The following HEPHL1 variants were observed in gnomAD, a reference collection of about 807,000 sequenced individuals.
The protein encoded by HEPHL1 is hephaestin like 1, also known as ferroxidase HEPHL1.
In HEPHL1, 123 loss-of-function variants were observed where a neutral mutation model predicts 122.0. That is an observed-to-expected ratio of 1.01 (90% CI 0.87 to 1.17). The LOEUF (loss-of-function observed/expected upper bound fraction) is 1.17. HEPHL1 is among the 50% of genes most tolerant of loss of function. The pLI, the probability that HEPHL1 is intolerant of heterozygous loss-of-function variation, is 0.00. For missense variants in HEPHL1, 1,452 were observed against 1,430.5 expected (o/e 1.01, Z -0.24); for synonymous variants, 527 against 508.9 (o/e 1.04, Z -0.48).
intron 3 of HEPHL1, 123 bp from the exon 4 acceptor site, chr11:94,064,208 G>T (rs2134427501): frequency 1.6e-6 from 1 of 622,062 alleles, no homozygotes; most frequent in South Asian, 2.5e-5. Context: ...GATTTTATAT[G>T]GTGGGTTATC....
chr11:94,024,516 G>A (rs1945607596), intron 1 of HEPHL1, among the ~76,000 whole-genome samples: 2 of 152,198 alleles, frequency 1.3e-5, no homozygotes, highest in Admixed American at 1.3e-4. Flanking sequence ...AGTTGGAGAA[G>A]ACCTGGGACT....
intron 17 of HEPHL1, among the ~76,000 whole-genome samples, chr11:94,106,845 C>G (rs1946413729): frequency 6.6e-6 from 1 of 152,168 alleles, no homozygotes; most frequent in African/African-American, 2.4e-5. Flanking sequence ...TAGCTCTATC[C>G]AGTAAAGGAG....
chr11:94,043,553 G>C (rs183605525), intron 1 of HEPHL1, among the ~76,000 whole-genome samples: 1 of 152,156 alleles, frequency 6.6e-6, no homozygotes, highest in East Asian at 1.9e-4. Context: ...CTCCATTAGT[G>C]GGGCTGGGGG....
intron 13 of HEPHL1, among the ~76,000 whole-genome samples, chr11:94,099,041 T>C (rs1270923889): frequency 2.6e-5 from 4 of 152,370 alleles, no homozygotes; most frequent in Non-Finnish European, 5.9e-5. Context: ...TCCAGCTTTG[T>C]TCTGTTGCTG....
intron 2 of HEPHL1, among the ~76,000 whole-genome samples, chr11:94,048,267 T>C (rs1945858303): frequency 6.6e-6 from 1 of 152,208 alleles, no homozygotes; most frequent in Non-Finnish European, 1.5e-5. Context: ...ACATCTTGGC[T>C]ATTGTGAATA....
chr11:94,105,896 G>A (rs1946404228), intron 16 of HEPHL1, 95 bp from the exon 17 acceptor site: 2 of 831,178 alleles, frequency 2.4e-6, no homozygotes, highest in Admixed American at 2.9e-5. Context: ...CTAGACAGAT[G>A]AAAATATCAG....
intron 1 of HEPHL1, among the ~76,000 whole-genome samples, chr11:94,032,377 C>A (rs1591460996): frequency 6.6e-6 from 1 of 152,324 alleles, no homozygotes; most frequent in East Asian, 1.9e-4. Context: ...TGGTCTGGGG[C>A]AGGCTGGATA....
chr11:94,068,965 C>T (rs1323161460), intron 5 of HEPHL1, among the ~76,000 whole-genome samples: 1 of 152,118 alleles, frequency 6.6e-6, no homozygotes, highest in African/African-American at 2.4e-5. Flanking sequence ...TGAGTCATAG[C>T]ATTAGTCAAC....
chr11:94,053,814 T>C (rs1945911913), intron 2 of HEPHL1, among the ~76,000 whole-genome samples: 1 of 152,208 alleles, frequency 6.6e-6, no homozygotes, highest in South Asian at 2.1e-4. Flanking sequence ...GATTGAAAAA[T>C]ATGCTTTGTA....
intron 17 of HEPHL1, among the ~76,000 whole-genome samples, chr11:94,106,556 CAGT>C (rs2134454497): frequency 6.6e-6 from 1 of 152,022 alleles, no homozygotes; most frequent in Admixed American, 6.5e-5. Context: ...CGGCCTCCCA[CAGT>C]GCTGAGATTA....
In HEPHL1 at chr11:94,113,303, G is replaced by T. The variant is rs552225708; in HGVS notation, c.*1409G>T. The stretch of plus-strand genomic sequence containing the variant: ...TGATACTGGTATGCCTGCCTTAGCA[G>T]TGGGTAATTTGAATGTCAAAGTGAG... On this transcript the variant is annotated 3_prime_UTR_variant, in exon 20 of 20. Coordinates refer to ENST00000315765, the MANE Select transcript of HEPHL1 (RefSeq NM_001098672.2). The T allele has an allele frequency of 6.6e-6, 1 of 152,356 alleles. No individual in the cohort carries two copies. The highest frequency in any genetic ancestry group is 2.1e-4 in the South Asian group (1 of 4,826). 9.4% of individuals were successfully genotyped at this position (152,356 alleles called of 1,614,324 possible).
intron 17 of HEPHL1, among the ~76,000 whole-genome samples, chr11:94,107,548 C>G (rs747176550): frequency 2.6e-5 from 4 of 152,108 alleles, no homozygotes; most frequent in Non-Finnish European, 5.9e-5. Context: ...ACCATTGCAC[C>G]CTCTAGTGTC....
chr11:94,056,122 G>A (rs571108672), intron 2 of HEPHL1: 5 of 288,894 alleles, frequency 1.7e-5, no homozygotes, highest in East Asian at 7.3e-5. Context: ...CCCTTTTATC[G>A]CGACAAAATA....
intron 1 of HEPHL1, among the ~76,000 whole-genome samples, chr11:94,024,634 C>A (rs1945608727): frequency 6.6e-6 from 1 of 152,116 alleles, no homozygotes; most frequent in Admixed American, 6.6e-5. Context: ...ATACATGAAG[C>A]TTTCCCCCAT....
At chr11:94,108,514 T>G (rs113212915) in intron 17 of HEPHL1, among the ~76,000 whole-genome samples, 28 of 152,240 alleles carry the variant, frequency 1.8e-4, no homozygotes, top group African/African-American at 6.5e-4. Context: ...GGTCTCTGTT[T>G]TCTTTTAGAA....
chr11:94,110,990 T>G lies in HEPHL1; in HGVS notation c.3133T>G (p.Trp1045Gly). 6.2e-7 allele frequency: 1 copy of G among 1,611,910 alleles called. No individual in the cohort carries two copies. The highest frequency in any genetic ancestry group is 8.5e-7 in the Non-Finnish European group (1 of 1,178,922). Residue 1045 changes from tryptophan to glycine, a missense_variant, in exon 18 of 20, where the codon TGG becomes GGG. Trp to Gly is a radical substitution (Grantham distance 184). Transcript: ENST00000315765. ...IELFADHPGT[W>G]LLHCHVSDHI... ...ACTGTTTGCAGATCACCCAGGGACA[T>G]GGCTGCTACACTGTCATGTGTCTGA... is the stretch of plus-strand genomic sequence containing the variant.
intron 17 of HEPHL1, among the ~76,000 whole-genome samples, chr11:94,107,333 C>G (rs575605232): frequency 1.3e-5 from 2 of 152,028 alleles, no homozygotes; most frequent in African/African-American, 4.8e-5. Context: ...TTTTTAAACT[C>G]ACATTTTAAA....
rs776360591 is a variant in HEPHL1 at position 94,111,073 on chromosome 11, T to A, written c.3208+8T>A. ...CGGTCCTTCGTAACATAGGTACGGTTGTCTGTCAGTGATGCCAGATGATGG... is the reference window on the plus strand; with the variant it reads ...CGGTCCTTCGTAACATAGGTACGGTAGTCTGTCAGTGATGCCAGATGATGG... On this transcript the variant is annotated splice_region_variant and intron_variant, in intron 18 of 19. Coordinates refer to ENST00000315765, the MANE Select transcript of HEPHL1 (RefSeq NM_001098672.2). 1.9e-6 allele frequency: 3 copies of A among 1,559,288 alleles called. No individual in the cohort carries two copies. The South Asian group carries it at 3.5e-5, about 18-fold the overall frequency.
At chr11:94,078,811 C>G (rs1484847576) in intron 9 of HEPHL1, among the ~76,000 whole-genome samples, 1 of 152,070 alleles carries the variant, frequency 6.6e-6, no homozygotes, top group East Asian at 1.9e-4. Context: ...GAAGTACAAT[C>G]AGTTTTATTC....
Sources: allele counts gnomAD v4.1 joint callset (sites outside exome capture counted in the v4.1 genomes callset), GRCh38; gene constraint gnomAD v4.1.1; transcripts MANE v1.5; gene names NCBI Gene and HGNC (gene_info 2026-07-23, HGNC 2026-07-21).